The following GLUL variants were observed in gnomAD, a reference collection of about 807,000 sequenced individuals.
GLUL encodes the protein glutamate-ammonia ligase, also known as glutamine synthetase.
A neutral mutation model predicts 36.9 loss-of-function variants in GLUL; 8 were observed. The observed-to-expected ratio is 0.22, with a 90% CI of 0.13 to 0.39. GLUL has a LOEUF of 0.39. GLUL is among the 10% of genes least tolerant of loss of function. GLUL has a pLI of 1.00. For synonymous variants in GLUL, 182 were observed against 172.8 expected, an observed-to-expected ratio of 1.05 and a Z score of -0.42; for missense variants, 315 against 501.8, an observed-to-expected ratio of 0.63 and a Z score of 3.56.
Position 182,379,549 on chromosome 1 carries a change from A to AT in GLUL, c.*4855dup, listed in dbSNP as rs970464169. Among the ~76,000 whole-genome samples, 13 of 150,186 alleles carry AT rather than the reference A, an allele frequency of 8.7e-5. No individual in the cohort carries two copies. Among genetic ancestry groups the AT allele is most frequent in the Non-Finnish European group, 1.5e-4 (10 of 67,518 alleles). ...AAACTGCCAGTTTACATCAGTTATAATTTTTTTTTGTTTTTTTGAGACAGG... is the reference window on the plus strand; with the variant it reads ...AAACTGCCAGTTTACATCAGTTATAATTTTTTTTTTGTTTTTTTGAGACAGG... On this transcript the variant is annotated 3_prime_UTR_variant, in exon 7 of 7. Transcript: ENST00000331872.
In GLUL at chr1:182,385,952, C is replaced by T. The variant is rs1650161719; in HGVS notation, c.476-65G>A. On this transcript the variant is annotated intron_variant, in intron 4 of 6. Transcript: ENST00000331872. ...TCCAGAGAATCCCAAAGTCAGAGAT[C>T]AGAAGGCCCTTAAGCCTTGCCCTCT... 5 of 1,519,318 alleles carry T rather than the reference C, an allele frequency of 3.3e-6. No homozygotes were observed. In the Admixed American group the frequency reaches 6.7e-5, roughly 20 times the overall value. The allele number at this position is 1,519,318 out of a possible 1,614,324, so 94.1% of individuals were successfully genotyped here.
chr1:182,386,757 G>A (rs1218189281), intron 3 of GLUL: 6 of 451,682 alleles, frequency 1.3e-5, no homozygotes, highest in Non-Finnish European at 2.4e-5. Flanking sequence ...AGCTGCTTCT[G>A]GTTGTCAGAT....
rs748041940 is a variant in GLUL at position 182,388,616 on chromosome 1, C to T, written c.122G>A (p.Arg41His). The change falls in exon 2 of 7, where the codon CGC (arginine) becomes CAC (histidine). Residue 41 changes from arginine to histidine, a missense_variant. Physicochemically the swap from Arg to His is conservative, Grantham distance 29 (BLOSUM62 0). Transcript: ENST00000331872. ...ACTGTCCAGGGTCCGGGTCTTGCAG[C>T]GCAGTCCTTCTCCAGTACCATCGAT... The part of the protein sequence containing the change: ...IWIDGTGEGL[R>H]CKTRTLDSEP... 1.9e-6 allele frequency: 3 copies of T among 1,613,934 alleles called. No homozygotes were observed. Among genetic ancestry groups the T allele is most frequent in the Non-Finnish European group, 2.5e-6 (3 of 1,179,844 alleles).
rs1017837894 is a variant in GLUL, at chr1:182,379,077, C to T, written c.*5328G>A. ...GATTACAGGCTTGAGCCACCATGCC[C>T]GGCCTGAAGTAGAATTTTTTTAAAT... On this transcript the variant is annotated 3_prime_UTR_variant, in exon 7 of 7. Coordinates refer to ENST00000331872, the MANE Select transcript of GLUL (RefSeq NM_001033044.4). Among the ~76,000 whole-genome samples, 2 of 152,050 alleles carry T rather than the reference C, an allele frequency of 1.3e-5. No homozygotes were observed. The highest frequency in any genetic ancestry group is 2.9e-5 in the Non-Finnish European group (2 of 68,010).
chr1:182,386,709 C>T (rs1571407617), intron 3 of GLUL: 1 of 486,528 alleles, frequency 2.1e-6, no homozygotes, highest in African/African-American at 1.9e-5. Context: ...ACCTCCCAAG[C>T]ACCAAATGCC....
intron 3 of GLUL, chr1:182,386,813 A>G (rs1169344703): frequency 2.1e-6 from 1 of 473,216 alleles, no homozygotes; most frequent in Non-Finnish European, 3.9e-6. Flanking sequence ...ATAATTTTTG[A>G]GAAACATTTG....
Position 182,383,158 on chromosome 1 carries a change from T to C in GLUL, c.*1247A>G, listed in dbSNP as rs1302522930. 3.3e-5 allele frequency: 5 copies of C among 152,098 alleles called. No individual in the cohort carries two copies. The highest frequency in any genetic ancestry group is 6.5e-5 in the Admixed American group (1 of 15,276). The allele number at this position is 152,098 out of a possible 1,614,324, so 9.4% of individuals were successfully genotyped here. A position where few individuals can be genotyped will look rare whatever the true frequency, so the allele number is the denominator to read the frequency against. ...TAACAAAGACATCAAGATACAAAAT[T>C]ACAAGTGTTTTGACTCCAGCCCTGT... is the stretch of plus-strand genomic sequence containing the variant. On this transcript the variant is annotated 3_prime_UTR_variant, in exon 7 of 7. Coordinates refer to ENST00000331872, the MANE Select transcript of GLUL (RefSeq NM_001033044.4).
At position 182,388,756 on chromosome 1, in the gene GLUL, G is replaced by GA. The variant is rs1198689090; in HGVS notation, c.-13-7dup. ...TGGTCATGGTGGAAGGTGTTCTGGA[G>GA]AAGAAAAAAAGAATAACATTGTTAA... On this transcript the variant is annotated splice_polypyrimidine_tract_variant and splice_region_variant and intron_variant, in intron 1 of 6. Transcript: ENST00000331872. 6.2e-7 allele frequency: 1 copy of GA among 1,611,310 alleles called. No individual in the cohort carries two copies. The highest frequency in any genetic ancestry group is 1.1e-5 in the South Asian group (1 of 91,012).
At chr1:182,385,712 T>C (rs757949922) in intron 5 of GLUL, 48 bp downstream of exon 5, 10 of 1,611,122 alleles carry the variant, frequency 6.2e-6, no homozygotes, top group South Asian at 2.2e-5. Context: ...AAAAGTCCTA[T>C]GTACACCTAC....
chr1:182,388,783 G>T (rs753731498), intron 1 of GLUL, 33 bp from the exon 2 acceptor site: 3 of 1,545,314 alleles, frequency 1.9e-6, no homozygotes, highest in Non-Finnish European at 2.7e-6. Context: ...CATTGTTAAC[G>T]CCCACTCCAA....
intron 5 of GLUL, 39 bp from the exon 6 acceptor site, chr1:182,385,595 T>TTA (rs766553444): frequency 1.2e-4 from 188 of 1,576,938 alleles, no homozygotes; most frequent in Non-Finnish European, 1.5e-4. Flanking sequence ...CAAAGCTAAC[T>TTA]GCTCACTCCA....
In GLUL at chr1:182,384,204, A is replaced by G. The variant is rs1028862025; in HGVS notation, c.*201T>C. 4 of 584,624 alleles carry G rather than the reference A, an allele frequency of 6.8e-6. No homozygotes were observed. Among genetic ancestry groups the G allele is most frequent in the Non-Finnish European group, 1.2e-5 (4 of 328,320 alleles). 36.2% of individuals were successfully genotyped at this position (584,624 alleles called of 1,614,324 possible). Reference sequence around the variant, plus strand: ...AGCTTCAGTGATAGGGAAAAAAAGGAGGGTAGGTGTGAAGAAATTAATAAC... The same window carrying G: ...AGCTTCAGTGATAGGGAAAAAAAGGGGGGTAGGTGTGAAGAAATTAATAAC... On this transcript the variant is annotated 3_prime_UTR_variant, in exon 7 of 7. Coordinates refer to ENST00000331872, the MANE Select transcript of GLUL (RefSeq NM_001033044.4).
intron 2 of GLUL, among the ~76,000 whole-genome samples, chr1:182,388,338 T>C (rs1425109729): frequency 6.6e-6 from 1 of 152,220 alleles, no homozygotes; most frequent in East Asian, 1.9e-4. Flanking sequence ...TTAGTTTTTC[T>C]TCAATACACT....
At chr1:182,387,088 TCA>T (rs1277014383) in intron 3 of GLUL, 41 bp downstream of exon 3, 5 of 1,493,316 alleles carry the variant, frequency 3.3e-6, no homozygotes, top group East Asian at 2.3e-5. Context: ...TTCACAGCAT[TCA>T]CAGATTGAGG....
At position 182,383,116 on chromosome 1, in the gene GLUL, T is replaced by C. The variant is rs191614640; in HGVS notation, c.*1289A>G. On this transcript the variant is annotated 3_prime_UTR_variant, in exon 7 of 7. Coordinates refer to ENST00000331872, the MANE Select transcript of GLUL (RefSeq NM_001033044.4). ...ATTCCTTATTATAAAAGAAAAAAAATAATTCTTCAGCAGTCTTAACAAAGA... is the reference window on the plus strand; with the variant it reads ...ATTCCTTATTATAAAAGAAAAAAAACAATTCTTCAGCAGTCTTAACAAAGA... 5.3e-5 allele frequency: 8 copies of C among 152,030 alleles called. No individual in the cohort carries two copies. The East Asian group carries it at 1.4e-3, about 26-fold the overall frequency. 9.4% of individuals were successfully genotyped at this position (152,030 alleles called of 1,614,324 possible). A position where few individuals can be genotyped will look rare whatever the true frequency, so the allele number is the denominator to read the frequency against.
intron 1 of GLUL, chr1:182,391,154 G>A: frequency 2.5e-6 from 1 of 398,540 alleles, no homozygotes; most frequent in Non-Finnish European, 4.4e-6. Context: ...GGCGGGAGCC[G>A]GCCGCCCAAA....
In GLUL at chr1:182,379,432, A is replaced by G. The variant is rs1378808508; in HGVS notation, c.*4973T>C. Among the ~76,000 whole-genome samples, 1 of 152,058 alleles carries G rather than the reference A, an allele frequency of 6.6e-6. No homozygotes were observed. The highest frequency in any genetic ancestry group is 1.5e-5 in the Non-Finnish European group (1 of 68,018). On this transcript the variant is annotated 3_prime_UTR_variant, in exon 7 of 7. Coordinates refer to ENST00000331872, the MANE Select transcript of GLUL (RefSeq NM_001033044.4). ...GAGACAAGGTTTCACCATGTTGGCC[A>G]CGCTGGTCTCGAACTCCTGAACTCA...
In GLUL at chr1:182,383,622, A is replaced by C. The variant is rs1440449103; in HGVS notation, c.*783T>G. 1 of 152,200 alleles carries C rather than the reference A, an allele frequency of 6.6e-6. No individual in the cohort carries two copies. Among genetic ancestry groups the C allele is most frequent in the Non-Finnish European group, 1.5e-5 (1 of 68,038 alleles). The allele number at this position is 152,200 out of a possible 1,614,324, so 9.4% of individuals were successfully genotyped here. On this transcript the variant is annotated 3_prime_UTR_variant, in exon 7 of 7. Transcript: ENST00000331872. Reference sequence around the variant, plus strand: ...CTCTCTACTCAAAATGAGATGCTTTATTTCTAATCCGACTATTTGTCTCAA... The same window carrying C: ...CTCTCTACTCAAAATGAGATGCTTTCTTTCTAATCCGACTATTTGTCTCAA...
chr1:182,379,066 G>C lies in GLUL; in HGVS notation c.*5339C>G, dbSNP rs563177143. Among the ~76,000 whole-genome samples the C allele has an allele frequency of 2.7e-3, 418 of 152,286 alleles. 1 individual carries two copies. The highest frequency in any genetic ancestry group is 9.7e-3 in the African/African-American group (405 of 41,552). On this transcript the variant is annotated 3_prime_UTR_variant, in exon 7 of 7. Coordinates refer to ENST00000331872, the MANE Select transcript of GLUL (RefSeq NM_001033044.4). The stretch of plus-strand genomic sequence containing the variant: ...TACAGTGATGGGATTACAGGCTTGA[G>C]CCACCATGCCCGGCCTGAAGTAGAA...
Sources: gnomAD v4.1 joint callset for allele counts (sites outside exome capture counted in the v4.1 genomes callset) on GRCh38, gnomAD v4.1.1 for gene constraint, MANE v1.5 for transcripts, NCBI Gene and HGNC (gene_info 2026-07-23, HGNC 2026-07-21) for gene names.